KDM6B: variants seen among roughly 807,000 people sequenced by gnomAD.
KDM6B encodes lysine-specific demethylase 6B.
A neutral mutation model predicts 150.4 loss-of-function variants in KDM6B; 22 were observed. The ratio of observed to expected loss-of-function variants is 0.15; its 90% confidence interval spans 0.10 to 0.21. The LOEUF (loss-of-function observed/expected upper bound fraction) is 0.21. KDM6B is among the 10% of genes least tolerant of loss of function. The pLI is 1.00. For synonymous variants in KDM6B, 1,148 were observed against 921.1 expected, an observed-to-expected ratio of 1.25 and a Z score of -4.46; for missense variants, 1,984 against 2,234.3, an observed-to-expected ratio of 0.89 and a Z score of 2.26.
In KDM6B at chr17:7,845,581, G is replaced by C. The variant is rs545200585; in HGVS notation, c.27G>C (p.Gly9=). Residue 9 remains glycine, a synonymous_variant, in exon 5 of 24, where the codon GGG becomes GGC. Transcript: ENST00000448097. MHRAVDPP[G]ARAAREAFAL... is the part of the protein sequence containing the mutation. Reference sequence around the variant, plus strand: ...TGCATCGGGCAGTGGACCCTCCAGGGGCCCGCGCTGCACGGGAAGCCTTTG... The same window carrying C: ...TGCATCGGGCAGTGGACCCTCCAGGCGCCCGCGCTGCACGGGAAGCCTTTG... The C allele has an allele frequency of 6.2e-7, 1 of 1,614,116 alleles. No homozygotes were observed. The highest frequency in any genetic ancestry group is 1.3e-5 in the African/African-American group (1 of 75,052).
chr17:7,854,086 C>G lies in KDM6B; in HGVS notation c.*565C>G, dbSNP rs544834542. ...TTGTTTTTTTGTTTTTAATTTATAACAGTCCCACTCACCTCTATTTATTCA... is the reference window on the plus strand; with the variant it reads ...TTGTTTTTTTGTTTTTAATTTATAAGAGTCCCACTCACCTCTATTTATTCA... On this transcript the variant is annotated 3_prime_UTR_variant, in exon 24 of 24. Transcript: ENST00000448097. 6.6e-6 allele frequency: 1 copy of G among 152,354 alleles called. No individual in the cohort carries two copies. Among genetic ancestry groups the G allele is most frequent in the Admixed American group, 6.5e-5 (1 of 15,276 alleles). The allele number at this position is 152,354 out of a possible 1,614,324, so 9.4% of individuals were successfully genotyped here. A position where few individuals can be genotyped will look rare whatever the true frequency, so the allele number is the denominator to read the frequency against.
chr17:7,843,726 G>A lies in KDM6B; in HGVS notation c.-268-1175G>A, dbSNP rs995512373. Among the ~76,000 whole-genome samples, 3 of 152,074 alleles carry A rather than the reference G, an allele frequency of 2.0e-5. No homozygotes were observed. The highest frequency in any genetic ancestry group is 6.5e-5 in the Admixed American group (1 of 15,280). On this transcript the variant is annotated intron_variant, in intron 2 of 23. Coordinates refer to ENST00000448097, the MANE Select transcript of KDM6B (RefSeq NM_001348716.2). This position sits in a 1 kb window ranked among gnomAD's most constrained non-coding sequence, Gnocchi z 4.5. The stretch of plus-strand genomic sequence containing the variant: ...TTGTACTCGACACTCGCCTCTCGCT[G>A]CTCTTTGTACTCTAGACTCTCAATG...
intron 7 of KDM6B, 30 bp from the exon 8 acceptor site, chr17:7,846,370 T>TGG: frequency 2.1e-5 from 32 of 1,501,834 alleles, no homozygotes; most frequent in Non-Finnish European, 2.6e-5. Flanking sequence ...ACCTGACATC[T>TGG]GCCCCTGCCC....
Position 7,853,975 on chromosome 17 carries a change from C to G in KDM6B, c.*454C>G, listed in dbSNP as rs1317941986. The G allele has an allele frequency of 6.4e-6, 1 of 156,108 alleles. No individual in the cohort carries two copies. The highest frequency in any genetic ancestry group is 1.4e-5 in the Non-Finnish European group (1 of 70,498). 9.7% of individuals were successfully genotyped at this position (156,108 alleles called of 1,614,324 possible). ...ATGGGCTTTACCCCTCCCCCGGAAC[C>G]TCCTTTTTTACTTCCAATGCTAGCT... is the stretch of plus-strand genomic sequence containing the variant. On this transcript the variant is annotated 3_prime_UTR_variant, in exon 24 of 24. Transcript: ENST00000448097.
intron 2 of KDM6B, among the ~76,000 whole-genome samples, chr17:7,842,552 A>C (rs922904374): frequency 6.6e-6 from 1 of 152,144 alleles, no homozygotes; most frequent in African/African-American, 2.4e-5. Context: ...AGGGAGGGCT[A>C]TTCTTGCCCC....
chr17:7,849,753 TC>T (rs1189410731), intron 12 of KDM6B, 25 bp downstream of exon 12: 7 of 1,612,674 alleles, frequency 4.3e-6, no homozygotes, highest in Non-Finnish European at 5.9e-6. Flanking sequence ...TGCTTGCTTG[TC>T]CCGGAGACAG....
intron 19 of KDM6B, 35 bp from the exon 20 acceptor site, chr17:7,852,114 C>T (rs1432831649): frequency 1.2e-6 from 2 of 1,613,638 alleles, no homozygotes; most frequent in Admixed American, 1.7e-5. Flanking sequence ...CGCCCTCGGT[C>T]CCCAGTTCCC....
At chr17:7,850,952 G>A in intron 14 of KDM6B, 69 bp from the exon 15 acceptor site, 2 of 1,371,954 alleles carry the variant, frequency 1.5e-6, no homozygotes, top group Non-Finnish European at 2.0e-6. Context: ...GGAAGGGAAA[G>A]GGTCGATTGG....
In KDM6B at chr17:7,845,964, C is replaced by T; in HGVS notation, c.230C>T (p.Ala77Val). The T allele has an allele frequency of 6.2e-7, 1 of 1,613,588 alleles. No homozygotes were observed. The highest frequency in any genetic ancestry group is 1.1e-5 in the South Asian group (1 of 91,076). ...GGGCACCCCAGCAAACCATATTATG[C>T]TCCAGGGTGAGTGGATATTTGAAGG... ...SSGHPSKPYY[A>V]PGAPTPRPLH... The change falls in exon 6 of 24, where the codon GCT becomes GTT. Residue 77 changes from alanine to valine, a missense_variant. Transcript: ENST00000448097.
At position 7,845,030 on chromosome 17, in the gene KDM6B, C is replaced by G. The variant is rs1235084256; in HGVS notation, c.-149+10C>G. On this transcript the variant is annotated intron_variant, in intron 3 of 23. Coordinates refer to ENST00000448097, the MANE Select transcript of KDM6B (RefSeq NM_001348716.2). ...CTCCCACGGAGGCCGGGTAAGCGGC[C>G]GCTGCGTTTTGGGTCGGCCCAGTGG... is the stretch of plus-strand genomic sequence containing the variant. 5.3e-6 allele frequency: 1 copy of G among 190,046 alleles called. No individual in the cohort carries two copies. The highest frequency in any genetic ancestry group is 8.7e-5 in the South Asian group (1 of 11,552). The allele number at this position is 190,046 out of a possible 1,614,324, so 11.8% of individuals were successfully genotyped here. A position where few individuals can be genotyped will look rare whatever the true frequency, so the allele number is the denominator to read the frequency against.
In KDM6B at chr17:7,845,935, T is replaced by G. The variant is rs774420605; in HGVS notation, c.201T>G (p.Ser67Arg). 9.3e-6 allele frequency: 15 copies of G among 1,613,964 alleles called. No homozygotes were observed. The highest frequency in any genetic ancestry group is 4.0e-5 in the African/African-American group (3 of 74,910). Residue 67 changes from serine to arginine, a missense_variant, in exon 6 of 24, where the codon AGT (serine) becomes AGG (arginine). By Grantham distance (110) the Ser-to-Arg change is moderately radical (BLOSUM62 -1). This residue lies in a region of KDM6B where 337 missense variants were observed against 323.9 expected (regional missense o/e 1.04). Coordinates refer to ENST00000448097, the MANE Select transcript of KDM6B (RefSeq NM_001348716.2). Reference protein sequence around the residue: ...PAPLPPSHGSSSGHPSKPYYA... With the variant: ...PAPLPPSHGSRSGHPSKPYYA... ...CCCTACCCCCTTCACATGGCAGTAG[T>G]TCTGGGCACCCCAGCAAACCATATT...
In KDM6B at chr17:7,848,978, AACCG is replaced by A; in HGVS notation, c.2691_2694del (p.Gln897HisfsTer17). 1 of 560,018 alleles carries A rather than the reference AACCG, an allele frequency of 1.8e-6. No homozygotes were observed. The highest frequency in any genetic ancestry group is 2.7e-6 in the Non-Finnish European group (1 of 369,488). The allele number at this position is 560,018 out of a possible 1,614,324, so 34.7% of individuals were successfully genotyped here. A position where few individuals can be genotyped will look rare whatever the true frequency, so the allele number is the denominator to read the frequency against. ...GTCCCGGGCCCCATGACCCCCACCCAACCGCCCCCACCCCTATCTCTGCCCCCTG... is the reference window on the plus strand; with the variant it reads ...GTCCCGGGCCCCATGACCCCCACCCACCCCCACCCCTATCTCTGCCCCCTG... On this transcript the variant is annotated frameshift_variant, in exon 12 of 24. Transcript: ENST00000448097. LOFTEE classifies it high-confidence loss of function.
Position 7,851,920 on chromosome 17 carries a change from C to G in KDM6B, c.4166-31C>G, listed in dbSNP as rs200301302. 9 of 1,610,264 alleles carry G rather than the reference C, an allele frequency of 5.6e-6. No homozygotes were observed. In the South Asian group the frequency reaches 8.8e-5, roughly 16 times the overall value. ...TCGGGGATCGCAGTTCCGACCTGGC[C>G]AGCCATGCCGTTCTCTGTCGACCCC... On this transcript the variant is annotated intron_variant, in intron 18 of 23. Coordinates refer to ENST00000448097, the MANE Select transcript of KDM6B (RefSeq NM_001348716.2).
intron 1 of KDM6B, among the ~76,000 whole-genome samples, chr17:7,839,688 C>T (rs752238493): frequency 2.6e-5 from 4 of 152,098 alleles, no homozygotes; most frequent in Non-Finnish European, 5.9e-5. Flanking sequence ...ACTCAGATGC[C>T]ATATCATGGC....
At position 7,846,307 on chromosome 17, in the gene KDM6B, G is replaced by A. The variant is rs1228536502; in HGVS notation, c.456+10G>A. On this transcript the variant is annotated intron_variant, in intron 7 of 23. Transcript: ENST00000448097. Reference sequence around the variant, plus strand: ...TGGCCGACTGCAGCAGGTAGGAGAAGGCAGGGCGTGGGGGACGGGATTGTA... The same window carrying A: ...TGGCCGACTGCAGCAGGTAGGAGAAAGCAGGGCGTGGGGGACGGGATTGTA... 1 of 1,609,686 alleles carries A rather than the reference G, an allele frequency of 6.2e-7. No individual in the cohort carries two copies. Among genetic ancestry groups the A allele is most frequent in the Non-Finnish European group, 8.5e-7 (1 of 1,177,988 alleles).
chr17:7,846,225 C>G lies in KDM6B; in HGVS notation c.384C>G (p.Arg128=). The change falls in exon 7 of 24, where the codon CGC becomes CGG. Residue 128 remains arginine, a synonymous_variant. Coordinates refer to ENST00000448097, the MANE Select transcript of KDM6B (RefSeq NM_001348716.2). ...ESEHDSEEAT[R]CYHSALRYGG... is the part of the protein sequence containing the mutation. ...AGCACGATAGTGAGGAGGCCACACG[C>G]TGCTACCACAGCGCCCTTCGATACG... 6.2e-7 allele frequency: 1 copy of G among 1,614,142 alleles called. No individual in the cohort carries two copies. Among genetic ancestry groups the G allele is most frequent in the Non-Finnish European group, 8.5e-7 (1 of 1,180,020 alleles).
At position 7,848,730 on chromosome 17, in the gene KDM6B, A is replaced by AAAG; in HGVS notation, c.2443_2445dup (p.Lys815dup). ...CCTTGGCCTCCGTGCTGGAGGGACA[A>AAAG]AAGTACTGTTATCGGGGGACTGGAG... On this transcript the variant is annotated inframe_insertion, in exon 12 of 24. Coordinates refer to ENST00000448097, the MANE Select transcript of KDM6B (RefSeq NM_001348716.2). 6.2e-7 allele frequency: 1 copy of AAAG among 1,612,610 alleles called. No homozygotes were observed. The highest frequency in any genetic ancestry group is 1.1e-5 in the South Asian group (1 of 91,062).
intron 14 of KDM6B, 100 bp downstream of exon 14, chr17:7,850,277 C>A: frequency 2.2e-6 from 2 of 924,496 alleles, no homozygotes; most frequent in Non-Finnish European, 3.4e-6. Flanking sequence ...TGACAGTGGC[C>A]GTGAGGAGTC....
chr17:7,848,455 C>T lies in KDM6B; in HGVS notation c.2167C>T (p.Pro723Ser), dbSNP rs756623066. The T allele has an allele frequency of 3.7e-6, 6 of 1,611,514 alleles. No individual in the cohort carries two copies. In the East Asian group the frequency reaches 1.1e-4, roughly 30 times the overall value. The change falls in exon 12 of 24, where the codon CCC (proline) becomes TCC (serine). Residue 723 changes from proline to serine, a missense_variant. Pro to Ser is a moderately conservative substitution (Grantham distance 74, BLOSUM62 -1). Transcript: ENST00000448097. ...QQHEAGVAPQ[P>S]PLKEPFASLQ... is the part of the protein sequence containing the mutation. ...ACACGAAGCAGGCGTGGCCCCCCAA[C>T]CCCCGCTGAAGGAGCCCTTTGCATC...
Sources: gnomAD v4.1 joint callset for allele counts (sites outside exome capture counted in the v4.1 genomes callset) on GRCh38, gnomAD v4.1.1 for gene constraint, gnomAD v4.1.1 regional missense constraint, Gnocchi (gnomAD v3.1) non-coding constraint, MANE v1.5 for transcripts, NCBI Gene and HGNC (gene_info 2026-07-23, HGNC 2026-07-21) for gene names.